The following IL1RAPL2 variants were observed in gnomAD, a reference collection of about 807,000 sequenced individuals.
IL1RAPL2 encodes interleukin 1 receptor accessory protein like 2.
In IL1RAPL2, 3 loss-of-function variants were observed where a neutral mutation model predicts 44.1. The observed-to-expected ratio is 0.07, with a 90% CI of 0.03 to 0.18. IL1RAPL2 has a LOEUF of 0.18. IL1RAPL2 is among the 10% of genes least tolerant of loss of function. The pLI, the probability that IL1RAPL2 is intolerant of heterozygous loss-of-function variation, is 1.00. For missense variants in IL1RAPL2, 391 were observed against 496.4 expected (o/e 0.79, Z 2.02); for synonymous variants, 181 against 178.8 (o/e 1.01, Z -0.10).
At chrX:104,925,738 A>T (rs1924759088) in intron 2 of IL1RAPL2, among the ~76,000 whole-genome samples, 1 of 111,669 alleles carries the variant, frequency 9.0e-6, no homozygotes, top group Admixed American at 9.5e-5. Flanking sequence ...CATAGCCAAC[A>T]TCCTACTGAA....
intron 3 of IL1RAPL2, among the ~76,000 whole-genome samples, chrX:105,216,475 A>G (rs782706859): frequency 9.0e-6 from 1 of 111,390 alleles, no homozygotes; most frequent in Non-Finnish European, 1.9e-5. Flanking sequence ...AAAACATTCC[A>G]TGCTCATGGA....
chrX:105,077,747 T>G (rs1485142726), intron 2 of IL1RAPL2, among the ~76,000 whole-genome samples: 2 of 111,794 alleles, frequency 1.8e-5, no homozygotes, highest in Non-Finnish European at 3.8e-5. Flanking sequence ...TCATTTCTTT[T>G]TATTCTTTTT....
chrX:105,215,502 C>T (rs935037732), intron 3 of IL1RAPL2, among the ~76,000 whole-genome samples: 17 of 111,479 alleles, frequency 1.5e-4, no homozygotes, highest in African/African-American at 4.2e-4. Flanking sequence ...CAGGACCAGA[C>T]GGATTCACAG....
intron 4 of IL1RAPL2, among the ~76,000 whole-genome samples, chrX:105,241,051 A>C (rs2034166483): frequency 9.0e-6 from 1 of 111,437 alleles, no homozygotes. Flanking sequence ...GACTGTCTCA[A>C]AACAAACAAA....
intron 2 of IL1RAPL2, among the ~76,000 whole-genome samples, chrX:104,736,653 A>G (rs1419121336): frequency 8.9e-6 from 1 of 112,239 alleles, no homozygotes; most frequent in Non-Finnish European, 1.9e-5. Flanking sequence ...TCTTAAAGCA[A>G]TTTTAAAAAG....
intron 2 of IL1RAPL2, among the ~76,000 whole-genome samples, chrX:104,952,953 C>A (rs983704896): frequency 1.8e-5 from 2 of 112,255 alleles, no homozygotes; most frequent in Non-Finnish European, 3.8e-5. Flanking sequence ...ATGTTTTGAT[C>A]TGTTCTTTGC....
At chrX:104,855,682 T>TGTTTTTTTTTTG (rs1556002121) in intron 2 of IL1RAPL2, among the ~76,000 whole-genome samples, 2 of 74,894 alleles carry the variant, frequency 2.7e-5, no homozygotes, top group Non-Finnish European at 5.2e-5. Context: ...TCTGGATCCG[T>TGTTTTTTTTTTG]TTTTTTTTTT....
intron 2 of IL1RAPL2, among the ~76,000 whole-genome samples, chrX:105,090,765 A>G (rs2032535357): frequency 8.9e-6 from 1 of 112,458 alleles, no homozygotes; most frequent in Admixed American, 9.4e-5. Flanking sequence ...GACTAATGCC[A>G]TGAAATATTT....
At chrX:104,896,641 A>G (rs995852181) in intron 2 of IL1RAPL2, among the ~76,000 whole-genome samples, 1 of 111,789 alleles carries the variant, frequency 8.9e-6, no homozygotes, top group Non-Finnish European at 1.9e-5. Flanking sequence ...AAATGGACCA[A>G]TCAGCAGGAT....
At chrX:105,288,420 A>T (rs1039312688) in intron 5 of IL1RAPL2, among the ~76,000 whole-genome samples, 4 of 109,918 alleles carry the variant, frequency 3.6e-5, no homozygotes, top group Non-Finnish European at 5.7e-5. Context: ...GAAAAAAAAA[A>T]ACAGCATTCT....
intron 5 of IL1RAPL2, among the ~76,000 whole-genome samples, chrX:105,388,746 A>G (rs973301996): frequency 9.9e-5 from 11 of 111,270 alleles, no homozygotes; most frequent in Non-Finnish European, 1.9e-5. Context: ...GTCTAGATTT[A>G]TCAGGGGTTT....
At chrX:105,460,237 C>A (rs1364815895) in intron 5 of IL1RAPL2, among the ~76,000 whole-genome samples, 1 of 111,154 alleles carries the variant, frequency 9.0e-6, no homozygotes, top group African/African-American at 3.3e-5. Context: ...GAATAGACTA[C>A]CTTATTTAAT....
chrX:104,748,959 C>T (rs779347799), intron 2 of IL1RAPL2, among the ~76,000 whole-genome samples: 6 of 110,506 alleles, frequency 5.4e-5, no homozygotes, highest in Admixed American at 9.7e-5. Flanking sequence ...TTATATAGGG[C>T]CCTTCAATTT....
intron 6 of IL1RAPL2, among the ~76,000 whole-genome samples, chrX:105,515,850 A>G (rs1207858169): frequency 8.9e-6 from 1 of 111,827 alleles, no homozygotes; most frequent in Non-Finnish European, 1.9e-5. Context: ...GCAGGAAAAT[A>G]GATCTAGATT....
chrX:104,585,602 C>T (rs934671274), intron 1 of IL1RAPL2, among the ~76,000 whole-genome samples: 5 of 99,579 alleles, frequency 5.0e-5, no homozygotes, highest in African/African-American at 1.5e-4. Flanking sequence ...TTCCACCCTA[C>T]ACCCTTTGAT....
intron 1 of IL1RAPL2, among the ~76,000 whole-genome samples, chrX:104,632,150 G>C (rs996823983): frequency 2.7e-5 from 3 of 111,459 alleles, no homozygotes; most frequent in African/African-American, 9.8e-5. Flanking sequence ...TCAGATGGTT[G>C]TAGATATGTG....
intron 1 of IL1RAPL2, among the ~76,000 whole-genome samples, chrX:104,649,164 T>A (rs1330125867): frequency 9.0e-6 from 1 of 111,458 alleles, no homozygotes; most frequent in Non-Finnish European, 1.9e-5. Context: ...CTCTGTTTTC[T>A]TACTTGTGTG....
At chrX:104,769,107 C>T (rs746926051) in intron 2 of IL1RAPL2, among the ~76,000 whole-genome samples, 19 of 111,526 alleles carry the variant, frequency 1.7e-4, no homozygotes, top group Non-Finnish European at 3.2e-4. Context: ...GGGGATTGAA[C>T]TAGATATTCC....
intron 6 of IL1RAPL2, among the ~76,000 whole-genome samples, chrX:105,619,265 A>G (rs1411498636): frequency 9.1e-6 from 1 of 109,816 alleles, no homozygotes; most frequent in Non-Finnish European, 1.9e-5. Context: ...AAAAAAAAAA[A>G]GCACTGTTAA....
Sources: allele counts gnomAD v4.1 joint callset (sites outside exome capture counted in the v4.1 genomes callset), GRCh38; gene constraint gnomAD v4.1.1; transcripts MANE v1.5; gene names NCBI Gene and HGNC (gene_info 2026-07-23, HGNC 2026-07-21).